The following GK variants were observed in gnomAD, a reference collection of about 807,000 sequenced individuals.
GK encodes the protein ATP:glycerol 3-phosphotransferase.
In GK, 9 loss-of-function variants were observed where a neutral mutation model predicts 56.4. That is an observed-to-expected ratio of 0.16 (90% CI 0.10 to 0.28). The LOEUF (loss-of-function observed/expected upper bound fraction) is 0.28, where lower values mean the gene tolerates loss of function less well. Among genes scored for constraint, GK ranks in the 10% least tolerant of loss-of-function variants. The pLI, the probability that GK is intolerant of heterozygous loss-of-function variation, is 1.00. For missense variants in GK, 161 were observed against 431.4 expected, an observed-to-expected ratio of 0.37 and a Z score of 5.55; for synonymous variants, 104 against 144.1, an observed-to-expected ratio of 0.72 and a Z score of 1.99.
intron 13 of GK, among the ~76,000 whole-genome samples, chrX:30,710,310 G>C (rs990533462): frequency 2.7e-5 from 3 of 111,683 alleles, no homozygotes; most frequent in African/African-American, 9.8e-5. Flanking sequence ...CAGTGTTGTT[G>C]TCACTGCATC....
At chrX:30,676,325 A>G (rs751673419) in intron 3 of GK, among the ~76,000 whole-genome samples, 90 of 112,576 alleles carry the variant, frequency 8.0e-4, no homozygotes, top group African/African-American at 2.5e-3. Context: ...AAGTTGTCCA[A>G]TGGAGATTGC....
chrX:30,724,273 C>T, intron 19 of GK, 92 bp downstream of exon 19: 3 of 567,479 alleles, frequency 5.3e-6, no homozygotes, highest in Non-Finnish European at 9.1e-6. Context: ...CCAGGCTGCT[C>T]TGAAGAAAAG....
Position 30,720,640 on chromosome X carries a change from G to A in GK, c.1256G>A (p.Arg419Gln), listed in dbSNP as rs772353152. 24 of 1,202,317 alleles carry A rather than the reference G, an allele frequency of 2.0e-5. No individual in the cohort carries two copies. The highest frequency in any genetic ancestry group is 1.2e-4 in the African/African-American group (7 of 57,088). ...QTREILDAMNRDCGIPLSHLQ... is the reference protein window; with the variant it reads ...QTREILDAMNQDCGIPLSHLQ... ...TTTAAGATTTTGGATGCCATGAATC[G>A]AGACTGTGGAATTCCACTCAGTCAT... Residue 419 changes from arginine to glutamine, a missense_variant, in exon 17 of 21, where the codon CGA becomes CAA. Arg to Gln is a conservative substitution (Grantham distance 43). Coordinates refer to ENST00000427190, the MANE Select transcript of GK (RefSeq NM_001205019.2).
At chrX:30,690,964 C>T (rs763498988) in intron 4 of GK, among the ~76,000 whole-genome samples, 159 bp from the exon 5 acceptor site, 16 of 111,965 alleles carry the variant, frequency 1.4e-4, no homozygotes, top group African/African-American at 5.2e-4. Flanking sequence ...TAACAATATG[C>T]CCATTCATTT....
At chrX:30,682,104 C>G (rs1934308773) in intron 4 of GK, among the ~76,000 whole-genome samples, 1 of 111,202 alleles carries the variant, frequency 9.0e-6, no homozygotes, top group Non-Finnish European at 1.9e-5. Context: ...CCTGAGAGAA[C>G]AGAAAGAAAT....
chrX:30,678,857 T>A (rs988621527), intron 4 of GK, among the ~76,000 whole-genome samples: 1 of 102,722 alleles, frequency 9.7e-6, no homozygotes, highest in Non-Finnish European at 2.0e-5. Context: ...CAGCTATTTT[T>A]TTTTTTTTTT....
At chrX:30,713,428 C>A (rs932954422) in intron 13 of GK, among the ~76,000 whole-genome samples, 19 of 111,600 alleles carry the variant, frequency 1.7e-4, no homozygotes, top group African/African-American at 6.2e-4. Context: ...TCTTTTATAT[C>A]GTGTCTGTTA....
rs1245622699 is a variant in GK at position 30,670,286 on chromosome X, T to A, written c.259+2168T>A. 2.7e-5 allele frequency among the ~76,000 whole-genome samples: 3 copies of A among 112,259 alleles called. No individual in the cohort carries two copies. In the East Asian group the frequency reaches 8.4e-4, roughly 31 times the overall value. ...TGATTGACCATGGCTTTGACATCAT[T>A]CTACCTCCCTTACAGGTAAGGTAGG... On this transcript the variant is annotated intron_variant, in intron 3 of 20. Transcript: ENST00000427190.
intron 3 of GK, among the ~76,000 whole-genome samples, chrX:30,673,068 C>G (rs1012956458): frequency 4.5e-4 from 50 of 111,795 alleles, no homozygotes; most frequent in African/African-American, 1.6e-3. Flanking sequence ...GGTATATTTT[C>G]TTAACTGTGA....
At chrX:30,657,667 T>C (rs1019154137) in intron 1 of GK, among the ~76,000 whole-genome samples, 2 of 112,085 alleles carry the variant, frequency 1.8e-5, no homozygotes, top group African/African-American at 6.5e-5. Flanking sequence ...ACACAGGTGA[T>C]TAGACTGTGG....
At chrX:30,668,155 T>C in intron 3 of GK, 37 bp downstream of exon 3, 1 of 717,505 alleles carries the variant, frequency 1.4e-6, no homozygotes, top group Non-Finnish European at 2.2e-6. Flanking sequence ...ATAATAAGAC[T>C]CTCTCAATCA....
chrX:30,696,190 C>A, intron 7 of GK, 39 bp downstream of exon 7: 2 of 734,638 alleles, frequency 2.7e-6, no homozygotes, highest in Non-Finnish European at 4.3e-6. Flanking sequence ...TTTCCCAATA[C>A]ACTACCTATT....
chrX:30,682,798 T>A lies in GK; in HGVS notation c.337+5346T>A, dbSNP rs748652300. Among the ~76,000 whole-genome samples, 8 of 112,204 alleles carry A rather than the reference T, an allele frequency of 7.1e-5. No individual in the cohort carries two copies. In the South Asian group the frequency reaches 3.0e-3, roughly 41 times the overall value. On this transcript the variant is annotated intron_variant, in intron 4 of 20. Transcript: ENST00000427190. ...ATAGATTAGAAATTTATTTCTCACA[T>A]TTCTGGAAGCTAGAAGTTCAAGATC...
Position 30,678,238 on chromosome X carries a change from G to A in GK, c.337+786G>A, listed in dbSNP as rs1934043870. ...TTCTACAAATGTGGCTATTTGAGCA[G>A]GGATTTAAAAAACCCCAAATCTCAA... On this transcript the variant is annotated intron_variant, in intron 4 of 20. Coordinates refer to ENST00000427190, the MANE Select transcript of GK (RefSeq NM_001205019.2). 3 of 384,327 alleles carry A rather than the reference G, an allele frequency of 7.8e-6. No individual in the cohort carries two copies. In the Admixed American group the frequency reaches 1.4e-4, roughly 18 times the overall value. The allele number at this position is 384,327 out of a possible 1,213,427, so 31.7% of individuals were successfully genotyped here. A position where few individuals can be genotyped will look rare whatever the true frequency, so the allele number is the denominator to read the frequency against.
chrX:30,706,850 C>T (rs780071665), intron 11 of GK, among the ~76,000 whole-genome samples: 1 of 111,580 alleles, frequency 9.0e-6, no homozygotes, highest in African/African-American at 3.3e-5. Context: ...TGGTGTTTCT[C>T]ATTTTATGAC....
chrX:30,664,702 C>CTTTT (rs35313243), intron 1 of GK, among the ~76,000 whole-genome samples: 28 of 57,652 alleles, frequency 4.9e-4, no homozygotes, highest in East Asian at 2.4e-3. Context: ...ACTCTATTGC[C>CTTTT]TTTTTTTTTT....
intron 3 of GK, among the ~76,000 whole-genome samples, chrX:30,670,221 C>T (rs780996808): frequency 1.8e-5 from 2 of 112,008 alleles, no homozygotes; most frequent in African/African-American, 6.5e-5. Flanking sequence ...GTAAGTAATC[C>T]AGGCAGCTTA....
At chrX:30,679,522 A>C (rs1326812521) in intron 4 of GK, among the ~76,000 whole-genome samples, 2 of 111,876 alleles carry the variant, frequency 1.8e-5, no homozygotes, top group African/African-American at 6.5e-5. Context: ...GTAAAAATGG[A>C]ACTTTGGACT....
At chrX:30,718,947 G>A (rs955050871) in intron 14 of GK, among the ~76,000 whole-genome samples, 3 of 111,627 alleles carry the variant, frequency 2.7e-5, no homozygotes, top group African/African-American at 9.8e-5. Flanking sequence ...TCTTAGATTA[G>A]AGTGAGCATT....
Sources: allele counts gnomAD v4.1 joint callset (sites outside exome capture counted in the v4.1 genomes callset), GRCh38; gene constraint gnomAD v4.1.1; transcripts MANE v1.5; gene names NCBI Gene and HGNC (gene_info 2026-07-23, HGNC 2026-07-21).